Variants in UXS1 observed in about 807,000 individuals in gnomAD.
UXS1 encodes the protein UDP-glucuronic acid decarboxylase 1.
In UXS1, 33 loss-of-function variants were observed where a neutral mutation model predicts 62.6. That is an observed-to-expected ratio of 0.53 (90% CI 0.40 to 0.70). The LOEUF (loss-of-function observed/expected upper bound fraction) is 0.70, where lower values mean the gene tolerates loss of function less well. UXS1 is among the 30% of genes least tolerant of loss of function. The pLI is 0.00. For missense variants in UXS1, 434 were observed against 556.3 expected (o/e 0.78, Z 2.21); for synonymous variants, 213 against 206.8 (o/e 1.03, Z -0.26).
At chr2:106,144,867 T>C (rs1681434419) in intron 6 of UXS1, among the ~76,000 whole-genome samples, 1 of 152,152 alleles carries the variant, frequency 6.6e-6, no homozygotes, top group African/African-American at 2.4e-5. Context: ...ACTGTGGGGC[T>C]TGGGATGCCA....
rs1558664730 is a variant in UXS1 at position 106,093,764 on chromosome 2, T to C, written c.*262A>G. The C allele has an allele frequency of 7.9e-6, 3 of 379,150 alleles. No individual in the cohort carries two copies. The highest frequency in any genetic ancestry group is 1.4e-5 in the Non-Finnish European group (3 of 216,870). The allele number at this position is 379,150 out of a possible 1,614,324, so 23.5% of individuals were successfully genotyped here. A position where few individuals can be genotyped will look rare whatever the true frequency, so the allele number is the denominator to read the frequency against. ...CACAACATATGCTCTCACAGCAAGA[T>C]AAAAAAACTTGAAAATACGCAGAGA... On this transcript the variant is annotated 3_prime_UTR_variant, in exon 15 of 15. Transcript: ENST00000283148.
chr2:106,098,861 TA>T, intron 12 of UXS1, 88 bp from the exon 13 acceptor site: 1 of 1,253,464 alleles, frequency 8.0e-7, no homozygotes, highest in Non-Finnish European at 1.1e-6. Context: ...CAGAGACGTC[TA>T]CTGGCCGAGT....
At chr2:106,156,518 C>A (rs1208033650) in intron 5 of UXS1, among the ~76,000 whole-genome samples, 4 of 152,172 alleles carry the variant, frequency 2.6e-5, no homozygotes, top group African/African-American at 9.7e-5. Context: ...ACACATATAA[C>A]AAACGTACAG....
At chr2:106,130,416 G>A (rs545971186) in intron 6 of UXS1, among the ~76,000 whole-genome samples, 36 of 152,114 alleles carry the variant, frequency 2.4e-4, no homozygotes, top group African/African-American at 2.4e-4. Context: ...AGAAGTCCTC[G>A]GGGACCAACC....
chr2:106,125,613 TA>T lies in UXS1; in HGVS notation c.637+6del. On this transcript the variant is annotated splice_donor_region_variant and intron_variant, in intron 8 of 14. Coordinates refer to ENST00000283148, the MANE Select transcript of UXS1 (RefSeq NM_001253875.2). ...GTGAACATCTCCTGAGAGAGCCTCC[TA>T]CTCACCTCCATACACCTCCGATGTG... The T allele has an allele frequency of 6.4e-7, 1 of 1,566,450 alleles. No homozygotes were observed. The highest frequency in any genetic ancestry group is 8.7e-7 in the Non-Finnish European group (1 of 1,155,606).
At chr2:106,154,061 C>G (rs1682242469) in intron 5 of UXS1, among the ~76,000 whole-genome samples, 1 of 152,092 alleles carries the variant, frequency 6.6e-6, no homozygotes, top group Admixed American at 6.5e-5. Context: ...AACAGAGCCT[C>G]AGACAAATAC....
intron 6 of UXS1, among the ~76,000 whole-genome samples, chr2:106,143,408 CAAAAAAAAAA>C (rs60493984): frequency 0.015 from 565 of 38,632 alleles, 9 homozygotes; most frequent in Admixed American, 0.056. Context: ...GACTCCGTCT[CAAAAAAAAAA>C]AAAAAAAAAA....
chr2:106,156,852 G>A (rs1207458051), intron 5 of UXS1, among the ~76,000 whole-genome samples: 1 of 152,194 alleles, frequency 6.6e-6, no homozygotes, highest in Non-Finnish European at 1.5e-5. Context: ...GGAAACCACA[G>A]ATATGGAGGG....
intron 13 of UXS1, 45 bp from the exon 14 acceptor site, chr2:106,096,866 A>G (rs1164044225): frequency 4.6e-6 from 7 of 1,533,984 alleles, no homozygotes; most frequent in Non-Finnish European, 6.2e-6. Context: ...ATCACAAAGC[A>G]TGGGTAAGCA....
intron 9 of UXS1, among the ~76,000 whole-genome samples, chr2:106,117,881 G>A (rs1303024270): frequency 6.6e-6 from 1 of 152,250 alleles, no homozygotes; most frequent in Non-Finnish European, 1.5e-5. Flanking sequence ...GCTGAAGCAC[G>A]ATTCTCAAAG....
intron 1 of UXS1, among the ~76,000 whole-genome samples, chr2:106,186,457 T>TATATATACAC (rs375660148): frequency 4.0e-5 from 6 of 148,802 alleles, no homozygotes; most frequent in African/African-American, 1.5e-4. Context: ...TATATATATA[T>TATATATACAC]ACACACACAC....
At chr2:106,126,776 C>T (rs1028409989) in intron 7 of UXS1, among the ~76,000 whole-genome samples, 1 of 152,108 alleles carries the variant, frequency 6.6e-6, no homozygotes, top group Non-Finnish European at 1.5e-5. Flanking sequence ...TAGATTGTGC[C>T]ACAATCAGGA....
intron 8 of UXS1, among the ~76,000 whole-genome samples, chr2:106,123,841 T>C (rs914537336): frequency 1.3e-5 from 2 of 152,222 alleles, no homozygotes; most frequent in East Asian, 1.9e-4. Flanking sequence ...TGATATAAAA[T>C]GTATAAGTCT....
intron 10 of UXS1, among the ~76,000 whole-genome samples, chr2:106,110,357 G>A (rs950804722): frequency 6.6e-6 from 1 of 152,150 alleles, no homozygotes; most frequent in African/African-American, 2.4e-5. Flanking sequence ...GCATTCTTGG[G>A]GAGGCTAGGG....
At chr2:106,142,161 C>G (rs7601480) in intron 6 of UXS1, among the ~76,000 whole-genome samples, 1 of 151,898 alleles carries the variant, frequency 6.6e-6, no homozygotes, top group African/African-American at 2.4e-5. Flanking sequence ...TGTGAGCCAC[C>G]ATGCCCAGCC....
At chr2:106,163,630 T>C (rs931799110) in intron 4 of UXS1, 37 bp downstream of exon 4, 7 of 1,397,348 alleles carry the variant, frequency 5.0e-6, no homozygotes, top group African/African-American at 1.5e-5. Context: ...GACAAACTTA[T>C]TTTAACTATT....
chr2:106,158,704 A>G (rs1293451592), intron 4 of UXS1, among the ~76,000 whole-genome samples: 1 of 152,216 alleles, frequency 6.6e-6, no homozygotes, highest in Admixed American at 6.5e-5. Context: ...ACTTTGCTAA[A>G]GAATAAGCAT....
intron 3 of UXS1, 124 bp from the exon 4 acceptor site, chr2:106,163,834 G>T: frequency 3.8e-6 from 2 of 522,312 alleles, no homozygotes; most frequent in Non-Finnish European, 3.2e-6. Context: ...TTAACTTCCA[G>T]TTTGAAATTA....
At chr2:106,130,855 T>G (rs1315114096) in intron 6 of UXS1, among the ~76,000 whole-genome samples, 1 of 152,126 alleles carries the variant, frequency 6.6e-6, no homozygotes, top group East Asian at 1.9e-4. Context: ...TTCATTCATA[T>G]ATATATATTT....
Sources: allele counts gnomAD v4.1 joint callset (sites outside exome capture counted in the v4.1 genomes callset), GRCh38; gene constraint gnomAD v4.1.1; transcripts MANE v1.5; gene names NCBI Gene and HGNC (gene_info 2026-07-23, HGNC 2026-07-21).